The following TMEM108 variants were observed in gnomAD, a reference collection of about 807,000 sequenced individuals.
The protein encoded by TMEM108 is transmembrane protein 108, also known as cancer/testis antigen 124.
A neutral mutation model predicts 35.1 loss-of-function variants in TMEM108; 12 were observed. That is an observed-to-expected ratio of 0.34 (90% confidence interval 0.22 to 0.55). The LOEUF (loss-of-function observed/expected upper bound fraction) is 0.55, where lower values mean the gene tolerates loss of function less well. TMEM108 is among the 20% of genes least tolerant of loss of function. TMEM108 has a pLI of 0.89. For missense variants in TMEM108, 680 were observed against 753.3 expected (o/e 0.90, Z 1.14); for synonymous variants, 287 against 308.6 (o/e 0.93, Z 0.73).
intron 3 of TMEM108, among the ~76,000 whole-genome samples, chr3:133,245,117 A>G (rs1405280037): frequency 6.6e-6 from 1 of 152,216 alleles, no homozygotes; most frequent in Non-Finnish European, 1.5e-5. Context: ...ACAAAAGTCT[A>G]TGCCGTCAGA....
intron 2 of TMEM108, among the ~76,000 whole-genome samples, chr3:133,193,972 T>G (rs1459171507): frequency 2.7e-5 from 4 of 149,770 alleles, no homozygotes; most frequent in African/African-American, 9.9e-5. Flanking sequence ...AGCCTCACTC[T>G]GTCACTCAGG....
chr3:133,178,790 A>G (rs1576364906), intron 2 of TMEM108, among the ~76,000 whole-genome samples: 1 of 152,336 alleles, frequency 6.6e-6, no homozygotes, highest in East Asian at 1.9e-4. Context: ...AATGGCAACA[A>G]AAGCCAAAAT....
At chr3:133,302,251 C>A (rs1054749197) in intron 3 of TMEM108, among the ~76,000 whole-genome samples, 7 of 152,138 alleles carry the variant, frequency 4.6e-5, no homozygotes. Flanking sequence ...ATCAGTGTAA[C>A]CACATGAGTG....
chr3:133,335,614 A>C (rs550193835), intron 3 of TMEM108, among the ~76,000 whole-genome samples: 3 of 152,372 alleles, frequency 2.0e-5, no homozygotes, highest in East Asian at 3.9e-4. Context: ...AGATTTGATA[A>C]AGAAAATGTG....
intron 2 of TMEM108, among the ~76,000 whole-genome samples, chr3:133,051,756 T>C (rs1375620242): frequency 1.3e-5 from 2 of 152,156 alleles, no homozygotes. Flanking sequence ...CCAGCATCAT[T>C]TGTTGCTTTG....
intron 2 of TMEM108, among the ~76,000 whole-genome samples, chr3:133,112,280 A>C (rs940961290): frequency 2.0e-5 from 3 of 152,144 alleles, no homozygotes; most frequent in Non-Finnish European, 2.9e-5. Context: ...AAATTATCAA[A>C]TAATATGGCA....
chr3:133,063,112 ATGT>A (rs1333586469), intron 2 of TMEM108, among the ~76,000 whole-genome samples: 2 of 152,126 alleles, frequency 1.3e-5, no homozygotes, highest in African/African-American at 2.4e-5. Flanking sequence ...CTGACAGGAG[ATGT>A]TGGTGGTGGG....
chr3:133,259,734 T>C (rs949032576), intron 3 of TMEM108, among the ~76,000 whole-genome samples: 1 of 152,158 alleles, frequency 6.6e-6, no homozygotes, highest in African/African-American at 2.4e-5. Context: ...CTAGTGATGA[T>C]ATCTTACCAC....
At chr3:133,099,785 G>C (rs1411382115) in intron 2 of TMEM108, among the ~76,000 whole-genome samples, 1 of 152,138 alleles carries the variant, frequency 6.6e-6, no homozygotes, top group Non-Finnish European at 1.5e-5. Context: ...GACCACCTCA[G>C]CCTGGACCTT....
chr3:133,217,827 T>G lies in TMEM108; in HGVS notation c.-46-11439T>G, dbSNP rs193262576. 5.9e-5 allele frequency among the ~76,000 whole-genome samples: 9 copies of G among 152,184 alleles called. No individual in the cohort carries two copies. The South Asian group carries it at 1.2e-3, about 21-fold the overall frequency. ...CAAACAGTTTTGATTACTATAGTTT[T>G]GTGGTGTATTTTGAAGTCAGGTAGT... On this transcript the variant is annotated intron_variant, in intron 2 of 5. Coordinates refer to ENST00000321871, the MANE Select transcript of TMEM108 (RefSeq NM_023943.4).
chr3:133,229,012 C>T (rs1433299023), intron 2 of TMEM108, among the ~76,000 whole-genome samples: 1 of 152,090 alleles, frequency 6.6e-6, no homozygotes, highest in Non-Finnish European at 1.5e-5. Flanking sequence ...AATTCTGAAC[C>T]CAGATTCTCA....
At chr3:133,061,427 A>G (rs1943534003) in intron 2 of TMEM108, among the ~76,000 whole-genome samples, 1 of 151,814 alleles carries the variant, frequency 6.6e-6, no homozygotes, top group South Asian at 2.1e-4. Context: ...GTTAGCCAAG[A>G]TGGTCTCCAT....
intron 2 of TMEM108, among the ~76,000 whole-genome samples, chr3:133,057,431 GTGTGTATATATA>G (rs1423546878): frequency 0.011 from 457 of 42,384 alleles, 8 homozygotes; most frequent in African/African-American, 0.037. Context: ...TTGTGTGTGT[GTGTGTATATATA>G]TATATATATA....
At chr3:133,222,536 C>T (rs1390657870) in intron 2 of TMEM108, among the ~76,000 whole-genome samples, 1 of 151,960 alleles carries the variant, frequency 6.6e-6, no homozygotes, top group African/African-American at 2.4e-5. Context: ...TGTTGTTGCT[C>T]CACTAATCCC....
At chr3:133,107,678 A>C (rs1236356650) in intron 2 of TMEM108, among the ~76,000 whole-genome samples, 1 of 152,158 alleles carries the variant, frequency 6.6e-6, no homozygotes, top group Non-Finnish European at 1.5e-5. Context: ...CTCATGATTC[A>C]CCAGGTTACC....
intron 3 of TMEM108, among the ~76,000 whole-genome samples, chr3:133,321,222 G>A (rs2071263679): frequency 6.6e-6 from 1 of 152,114 alleles, no homozygotes; most frequent in Non-Finnish European, 1.5e-5. Flanking sequence ...ATAGAGAATG[G>A]CAGAATAGAT....
At chr3:133,175,045 C>A (rs919051273) in intron 2 of TMEM108, among the ~76,000 whole-genome samples, 5 of 152,086 alleles carry the variant, frequency 3.3e-5, no homozygotes, top group African/African-American at 9.7e-5. Flanking sequence ...GCCTCAGTAA[C>A]CGATGCGATC....
At chr3:133,223,013 G>A (rs1347627554) in intron 2 of TMEM108, among the ~76,000 whole-genome samples, 2 of 151,950 alleles carry the variant, frequency 1.3e-5, no homozygotes, top group Admixed American at 1.3e-4. Flanking sequence ...TGTAGAAATG[G>A]GGTCTTGCCT....
intron 3 of TMEM108, among the ~76,000 whole-genome samples, chr3:133,375,630 A>G (rs2072814113): frequency 6.6e-6 from 1 of 152,228 alleles, no homozygotes; most frequent in African/African-American, 2.4e-5. Flanking sequence ...CAGTGTGCAT[A>G]GCATTCAGTT....
Sources: allele counts gnomAD v4.1 joint callset (sites outside exome capture counted in the v4.1 genomes callset), GRCh38; gene constraint gnomAD v4.1.1; transcripts MANE v1.5; gene names NCBI Gene and HGNC (gene_info 2026-07-23, HGNC 2026-07-21).